GPR158: variants seen among roughly 807,000 people sequenced by gnomAD.
The protein encoded by GPR158 is G protein-coupled receptor 158, also known as metabotropic glycine receptor.
Under a neutral mutation model 78.2 loss-of-function variants are expected in GPR158, and 30 were observed. The observed-to-expected ratio is 0.38, with a 90% confidence interval of 0.29 to 0.52. The LOEUF is 0.52. Ranked by LOEUF, GPR158 falls within the 20% of genes least tolerant of loss-of-function variation. The pLI is 0.83. For missense variants in GPR158, 1,463 were observed against 1,523.5 expected (o/e 0.96, Z 0.66); for synonymous variants, 581 against 591.1 (o/e 0.98, Z 0.25).
At chr10:25,429,859 C>T (rs1425176057) in intron 4 of GPR158, among the ~76,000 whole-genome samples, 2 of 140,832 alleles carry the variant, frequency 1.4e-5, no homozygotes, top group Admixed American at 7.2e-5. Flanking sequence ...TGGGACGTAT[C>T]TCAAAATAAT....
At chr10:25,475,207 C>G (rs1281322996) in intron 5 of GPR158, among the ~76,000 whole-genome samples, 1 of 151,972 alleles carries the variant, frequency 6.6e-6, no homozygotes, top group Non-Finnish European at 1.5e-5. Flanking sequence ...ATACAGAGAA[C>G]TGACGCATTA....
intron 2 of GPR158, among the ~76,000 whole-genome samples, chr10:25,347,224 T>C (rs2130513843): frequency 6.6e-6 from 1 of 152,042 alleles, no homozygotes; most frequent in South Asian, 2.1e-4. Flanking sequence ...TCTGGAGACC[T>C]CCTGTATTCT....
chr10:25,595,071 A>G (rs1837383405), intron 9 of GPR158, among the ~76,000 whole-genome samples: 1 of 152,062 alleles, frequency 6.6e-6, no homozygotes, highest in Non-Finnish European at 1.5e-5. Context: ...TATCATTGTT[A>G]TTATTTTCCT....
chr10:25,432,632 A>G (rs923016893), intron 4 of GPR158, among the ~76,000 whole-genome samples: 2 of 152,224 alleles, frequency 1.3e-5, no homozygotes, highest in African/African-American at 4.8e-5. Flanking sequence ...GTAGTATTTA[A>G]CCATCACATT....
At chr10:25,589,380 T>C (rs767379722) in intron 8 of GPR158, among the ~76,000 whole-genome samples, 1 of 152,238 alleles carries the variant, frequency 6.6e-6, no homozygotes, top group African/African-American at 2.4e-5. Context: ...GTTAATTCAA[T>C]GTTATTGTAT....
intron 5 of GPR158, among the ~76,000 whole-genome samples, chr10:25,510,789 C>G (rs1433357104): frequency 3.3e-5 from 5 of 152,172 alleles, no homozygotes. Flanking sequence ...TGTGTAAGAA[C>G]ATACAATGGT....
intron 7 of GPR158, among the ~76,000 whole-genome samples, chr10:25,574,297 T>C (rs1198651280): frequency 6.6e-6 from 1 of 151,934 alleles, no homozygotes; most frequent in Non-Finnish European, 1.5e-5. Flanking sequence ...CCAAAGAGGA[T>C]CATATTTGTG....
At chr10:25,437,785 G>A (rs1006297550) in intron 4 of GPR158, among the ~76,000 whole-genome samples, 2 of 152,170 alleles carry the variant, frequency 1.3e-5, no homozygotes, top group Non-Finnish European at 2.9e-5. Context: ...AGTAGAGAGT[G>A]TAAATATACA....
intron 5 of GPR158, among the ~76,000 whole-genome samples, chr10:25,469,842 C>T (rs1020292988): frequency 5.2e-5 from 7 of 135,150 alleles, no homozygotes; most frequent in African/African-American, 1.9e-4. Context: ...CCCCCCCCAA[C>T]ATTCACTGCT....
At chr10:25,364,254 C>T (rs1331730888) in intron 2 of GPR158, among the ~76,000 whole-genome samples, 1 of 151,878 alleles carries the variant, frequency 6.6e-6, no homozygotes, top group Non-Finnish European at 1.5e-5. Flanking sequence ...TCACCAGCAT[C>T]GTCTTCTCAA....
chr10:25,503,923 C>T (rs58781151), intron 5 of GPR158, among the ~76,000 whole-genome samples: 5,326 of 150,162 alleles, frequency 0.035, 332 homozygotes, highest in African/African-American at 0.12. Flanking sequence ...CAGAGCCTCG[C>T]TCTGTCACCC....
chr10:25,459,042 A>G (rs74124011), intron 4 of GPR158, among the ~76,000 whole-genome samples: 3,810 of 152,306 alleles, frequency 0.025, 171 homozygotes, highest in African/African-American at 0.086. Context: ...GATATAGTCT[A>G]TTCTTTTCCA....
intron 2 of GPR158, among the ~76,000 whole-genome samples, chr10:25,388,059 A>G (rs1333292542): frequency 1.3e-5 from 2 of 152,182 alleles, no homozygotes; most frequent in African/African-American, 4.8e-5. Flanking sequence ...ACCATATCTT[A>G]TGCAATTGGA....
At chr10:25,236,229 G>C (rs1564398061) in intron 2 of GPR158, among the ~76,000 whole-genome samples, 1 of 152,138 alleles carries the variant, frequency 6.6e-6, no homozygotes, top group Non-Finnish European at 1.5e-5. Context: ...ATTTTGGCCG[G>C]GCGTGGTGGC....
chr10:25,313,507 T>C (rs1044391155), intron 2 of GPR158, among the ~76,000 whole-genome samples: 1 of 146,864 alleles, frequency 6.8e-6, no homozygotes, highest in African/African-American at 2.6e-5. Context: ...AAAAAAAAAA[T>C]ATATTTTAAT....
intron 4 of GPR158, among the ~76,000 whole-genome samples, chr10:25,420,368 G>A (rs187271979): frequency 1.3e-5 from 2 of 152,130 alleles, no homozygotes; most frequent in Admixed American, 1.3e-4. Flanking sequence ...GCCGAGACTG[G>A]CCTCGAACTC....
At chr10:25,587,357 G>A (rs1054495180) in intron 7 of GPR158, among the ~76,000 whole-genome samples, 2 of 152,194 alleles carry the variant, frequency 1.3e-5, no homozygotes, top group Non-Finnish European at 2.9e-5. Context: ...CAGTTTCCAA[G>A]TCAGGTTTAG....
At chr10:25,483,526 CTG>C (rs1311485587) in intron 5 of GPR158, among the ~76,000 whole-genome samples, 2 of 152,130 alleles carry the variant, frequency 1.3e-5, no homozygotes, top group African/African-American at 2.4e-5. Flanking sequence ...TTTTTACATG[CTG>C]TGTTACTTTA....
chr10:25,524,725 A>T (rs954589471), intron 5 of GPR158, among the ~76,000 whole-genome samples: 1 of 152,220 alleles, frequency 6.6e-6, no homozygotes, highest in Non-Finnish European at 1.5e-5. Context: ...CCTTGGGGTA[A>T]GCAATGGTTT....
Sources: gnomAD v4.1 joint callset for allele counts (sites outside exome capture counted in the v4.1 genomes callset) on GRCh38, gnomAD v4.1.1 for gene constraint, MANE v1.5 for transcripts, NCBI Gene and HGNC (gene_info 2026-07-23, HGNC 2026-07-21) for gene names.